Variants in CNTNAP5 observed in about 807,000 individuals in gnomAD.
CNTNAP5 encodes contactin-associated protein-like 5.
In CNTNAP5, 72 loss-of-function variants were observed where a neutral mutation model predicts 150.2. The ratio of observed to expected loss-of-function variants is 0.48; its 90% CI spans 0.40 to 0.58. CNTNAP5 has a LOEUF of 0.58. Ranked by LOEUF, CNTNAP5 falls within the 20% of genes least tolerant of loss-of-function variation. The pLI, the probability that CNTNAP5 is intolerant of heterozygous loss-of-function variation, is 0.00. For synonymous variants in CNTNAP5, 672 were observed against 619.8 expected, an observed-to-expected ratio of 1.08 and a Z score of -1.25; for missense variants, 1,636 against 1,626.2, an observed-to-expected ratio of 1.01 and a Z score of -0.10.
intron 1 of CNTNAP5, among the ~76,000 whole-genome samples, chr2:124,110,227 G>A (rs1026670209): frequency 1.3e-5 from 2 of 152,184 alleles, no homozygotes; most frequent in African/African-American, 4.8e-5. Context: ...CTGTTGTTAT[G>A]TATGGACTGC....
chr2:124,240,171 G>A (rs1195983635), intron 2 of CNTNAP5, among the ~76,000 whole-genome samples: 2 of 152,096 alleles, frequency 1.3e-5, no homozygotes, highest in Non-Finnish European at 2.9e-5. Flanking sequence ...AGACAAAATT[G>A]CAGTGTCAAA....
chr2:124,313,508 C>T (rs1268933446), intron 3 of CNTNAP5, among the ~76,000 whole-genome samples: 1 of 152,152 alleles, frequency 6.6e-6, no homozygotes. Context: ...CACAGAATTG[C>T]CTAGAAACTC....
At chr2:124,869,816 G>T (rs545325507) in intron 21 of CNTNAP5, 54 bp downstream of exon 21, 3 of 1,094,000 alleles carry the variant, frequency 2.7e-6, no homozygotes, top group South Asian at 1.3e-5. Flanking sequence ...ATAAATGAAT[G>T]CATAATTTTC....
chr2:124,193,713 T>C (rs1054530223), intron 1 of CNTNAP5, among the ~76,000 whole-genome samples: 2 of 152,194 alleles, frequency 1.3e-5, no homozygotes, highest in African/African-American at 4.8e-5. Flanking sequence ...GTATTTCTTT[T>C]CTTTATTCTA....
At chr2:124,553,652 T>C (rs1695684205) in intron 10 of CNTNAP5, among the ~76,000 whole-genome samples, 1 of 152,216 alleles carries the variant, frequency 6.6e-6, no homozygotes, top group Admixed American at 6.5e-5. Context: ...TTTTCCAATT[T>C]TGAGTAAACA....
chr2:124,526,900 C>T (rs1469850095), intron 9 of CNTNAP5, among the ~76,000 whole-genome samples: 1 of 152,092 alleles, frequency 6.6e-6, no homozygotes, highest in Non-Finnish European at 1.5e-5. Flanking sequence ...TTGAATCGTG[C>T]ATTTAGATAT....
intron 3 of CNTNAP5, among the ~76,000 whole-genome samples, chr2:124,370,597 G>A (rs555517654): frequency 1.3e-5 from 2 of 152,228 alleles, no homozygotes; most frequent in African/African-American, 4.8e-5. Context: ...TCCAGATCAA[G>A]GAACGGTAAA....
rs1004471045 is a variant in CNTNAP5 at position 124,631,755 on chromosome 2, C to A, written c.1877-16003C>A. On this transcript the variant is annotated intron_variant, in intron 12 of 23. Transcript: ENST00000682447. ...ATTAAACTAAAGAGTTTCTGCACAG[C>A]AAATGAAACTATCATCAGAGCAAAC... Among the ~76,000 whole-genome samples, 23 of 152,262 alleles carry A rather than the reference C, an allele frequency of 1.5e-4. 1 individual carries two copies. The South Asian group carries it at 2.9e-3, about 19-fold the overall frequency.
chr2:124,665,652 C>T (rs1412233218), intron 13 of CNTNAP5, among the ~76,000 whole-genome samples: 7 of 151,996 alleles, frequency 4.6e-5, no homozygotes, highest in South Asian at 2.1e-4. Context: ...TTTGGGAGGC[C>T]GAGACCGGCA....
At position 124,606,275 on chromosome 2, in the gene CNTNAP5, G is replaced by A. The variant is rs191821821; in HGVS notation, c.1757-3526G>A. Among the ~76,000 whole-genome samples the A allele has an allele frequency of 4.6e-5, 7 of 152,154 alleles. No homozygotes were observed. The South Asian group carries it at 6.2e-4, about 14-fold the overall frequency. ...ATACAACTAGACTGGATGGATGGGG[G>A]AATGGAAAGTTGTTTTTATTTTGGG... is the stretch of plus-strand genomic sequence containing the variant. On this transcript the variant is annotated intron_variant, in intron 11 of 23. Transcript: ENST00000682447.
intron 10 of CNTNAP5, among the ~76,000 whole-genome samples, chr2:124,541,885 A>G (rs533073392): frequency 3.5e-4 from 54 of 152,226 alleles, no homozygotes; most frequent in African/African-American, 1.3e-3. Flanking sequence ...GTCTGCATTA[A>G]AATGTCTATT....
chr2:124,469,700 T>C (rs958760532), intron 6 of CNTNAP5, among the ~76,000 whole-genome samples: 12 of 152,096 alleles, frequency 7.9e-5, no homozygotes, highest in African/African-American at 2.9e-4. Flanking sequence ...CCAGCATCCA[T>C]TAGCTATTCT....
At chr2:124,529,524 G>A (rs564433450) in intron 10 of CNTNAP5, among the ~76,000 whole-genome samples, 1 of 152,250 alleles carries the variant, frequency 6.6e-6, no homozygotes, top group East Asian at 1.9e-4. Flanking sequence ...AGGGAAAGCT[G>A]GGGCAAGGGA....
At chr2:124,124,774 A>G (rs1299979410) in intron 1 of CNTNAP5, among the ~76,000 whole-genome samples, 1 of 152,210 alleles carries the variant, frequency 6.6e-6, no homozygotes, top group Non-Finnish European at 1.5e-5. Context: ...TTCTTAAAGA[A>G]AAGAATTTTC....
chr2:124,685,848 A>G (rs1173204687), intron 13 of CNTNAP5, among the ~76,000 whole-genome samples: 3 of 151,936 alleles, frequency 2.0e-5, no homozygotes, highest in Non-Finnish European at 4.4e-5. Context: ...TTTATGTAAG[A>G]TTCAGAAGCC....
In CNTNAP5 at chr2:124,915,135, T is replaced by C. The variant is rs1279842026; in HGVS notation, c.*847T>C. On this transcript the variant is annotated 3_prime_UTR_variant, in exon 24 of 24. Coordinates refer to ENST00000682447, the MANE Select transcript of CNTNAP5 (RefSeq NM_001367498.1). ...TTCCTGGGATTATTATACTGAGATA[T>C]ATATATATACACACACACACACATA... The C allele has an allele frequency of 1.8e-5, 3 of 165,642 alleles. No individual in the cohort carries two copies. The highest frequency in any genetic ancestry group is 1.9e-4 in the East Asian group (1 of 5,138). 10.3% of individuals were successfully genotyped at this position (165,642 alleles called of 1,614,324 possible). A position where few individuals can be genotyped will look rare whatever the true frequency, so the allele number is the denominator to read the frequency against.
chr2:124,722,927 G>T (rs1002524331), intron 13 of CNTNAP5, among the ~76,000 whole-genome samples: 1 of 152,162 alleles, frequency 6.6e-6, no homozygotes, highest in Non-Finnish European at 1.5e-5. Context: ...GTCACCTTCA[G>T]TCAAGGATGG....
At chr2:124,282,093 A>G (rs1558833086) in intron 3 of CNTNAP5, among the ~76,000 whole-genome samples, 2 of 152,102 alleles carry the variant, frequency 1.3e-5, no homozygotes. Context: ...GAGCTGCTAA[A>G]AAGTTTAGAC....
In CNTNAP5 at chr2:124,406,357, T is replaced by C. The variant is rs190081372; in HGVS notation, c.382-11086T>C. Reference sequence around the variant, plus strand: ...CTGATAATGTTATTTGAATCTTTCATATCCTTTCTGATTTTTTGTCCTCTT... The same window carrying C: ...CTGATAATGTTATTTGAATCTTTCACATCCTTTCTGATTTTTTGTCCTCTT... On this transcript the variant is annotated intron_variant, in intron 3 of 23. Transcript: ENST00000682447. Among the ~76,000 whole-genome samples the C allele has an allele frequency of 2.4e-3, 373 of 152,368 alleles. 3 individuals are homozygous for C. Among genetic ancestry groups the C allele is most frequent in the African/African-American group, 8.5e-3 (354 of 41,584 alleles).
Sources: gnomAD v4.1 joint callset for allele counts (sites outside exome capture counted in the v4.1 genomes callset) on GRCh38, gnomAD v4.1.1 for gene constraint, MANE v1.5 for transcripts, NCBI Gene and HGNC (gene_info 2026-07-23, HGNC 2026-07-21) for gene names.